Variants in CPA6 observed in about 807,000 individuals in gnomAD.
CPA6 encodes the protein carboxypeptidase B.
CPA6 carries 58 observed loss-of-function variants against 63.3 expected under a neutral mutation model. That is an observed-to-expected ratio of 0.92 (90% CI 0.74 to 1.14). The LOEUF is 1.14. Among genes scored for constraint, CPA6 ranks in the 50% most tolerant of loss-of-function variants. The pLI is 0.00. For synonymous variants in CPA6, 185 were observed against 179.0 expected (o/e 1.03, Z -0.27); for missense variants, 565 against 526.6 (o/e 1.07, Z -0.71).
intron 10 of CPA6, among the ~76,000 whole-genome samples, chr8:67,423,719 A>G (rs1809819599): frequency 1.3e-5 from 2 of 152,110 alleles, no homozygotes; most frequent in Admixed American, 1.3e-4. Flanking sequence ...TTCTGCCCCC[A>G]TGTTGCTGTA....
At chr8:67,450,573 T>C (rs1810534596) in intron 8 of CPA6, among the ~76,000 whole-genome samples, 1 of 152,190 alleles carries the variant, frequency 6.6e-6, no homozygotes, top group Admixed American at 6.5e-5. Context: ...TCCTTCAAGA[T>C]TGAGTAAGAA....
At chr8:67,484,299 C>G (rs1023127960) in intron 7 of CPA6, among the ~76,000 whole-genome samples, 1 of 152,086 alleles carries the variant, frequency 6.6e-6, no homozygotes, top group Non-Finnish European at 1.5e-5. Context: ...GTCTCGATCT[C>G]CTGACCTTGT....
chr8:67,521,402 C>T (rs1812254790), intron 2 of CPA6, among the ~76,000 whole-genome samples: 1 of 152,212 alleles, frequency 6.6e-6, no homozygotes, highest in Admixed American at 6.5e-5. Flanking sequence ...TTCTGAGCCT[C>T]AGTATCCTCA....
intron 8 of CPA6, among the ~76,000 whole-genome samples, chr8:67,474,515 C>G (rs1419430420): frequency 6.6e-6 from 1 of 152,128 alleles, no homozygotes; most frequent in South Asian, 2.1e-4. Flanking sequence ...GCCACAGCCG[C>G]CGGCCGCAGC....
At position 67,664,811 on chromosome 8, in the gene CPA6, C is replaced by T. The variant is rs1320085258; in HGVS notation, c.117-40560G>A. On this transcript the variant is annotated intron_variant, in intron 1 of 10. Coordinates refer to ENST00000297770, the MANE Select transcript of CPA6 (RefSeq NM_020361.5). ...AGGTCTGTCTCACCCAGGAATTAAG[C>T]TGTGATACTAGGAAAAACTATTACT... Among the ~76,000 whole-genome samples, 7 of 152,216 alleles carry T rather than the reference C, an allele frequency of 4.6e-5. No homozygotes were observed. The East Asian group carries it at 1.2e-3, about 25-fold the overall frequency.
chr8:67,607,128 T>TCCC (rs1385118446), intron 2 of CPA6, among the ~76,000 whole-genome samples: 1,398 of 79,060 alleles, frequency 0.018, 226 homozygotes, highest in African/African-American at 0.085. Context: ...CTCCTCCTCC[T>TCCC]CCTCCTCCCC....
chr8:67,520,493 G>A (rs1587517028), intron 2 of CPA6, among the ~76,000 whole-genome samples: 2 of 152,138 alleles, frequency 1.3e-5, no homozygotes, highest in African/African-American at 4.8e-5. Flanking sequence ...TGAATTATTA[G>A]TTTTTCTCCA....
intron 1 of CPA6, among the ~76,000 whole-genome samples, chr8:67,667,496 G>A (rs936532298): frequency 6.6e-6 from 1 of 151,586 alleles, no homozygotes; most frequent in African/African-American, 2.4e-5. Context: ...CAACTTCCCC[G>A]CTAAAAGTTA....
chr8:67,490,788 G>T (rs1316901800), intron 6 of CPA6, among the ~76,000 whole-genome samples: 1 of 152,092 alleles, frequency 6.6e-6, no homozygotes, highest in Non-Finnish European at 1.5e-5. Context: ...CCTTTGTGTG[G>T]CATGACAAAG....
At chr8:67,686,658 A>G (rs1816715199) in intron 1 of CPA6, among the ~76,000 whole-genome samples, 1 of 152,206 alleles carries the variant, frequency 6.6e-6, no homozygotes, top group Admixed American at 6.5e-5. Context: ...TTTTGTGTTT[A>G]CATGTTTAAT....
At chr8:67,507,346 T>C (rs1811951994) in intron 5 of CPA6, among the ~76,000 whole-genome samples, 1 of 152,122 alleles carries the variant, frequency 6.6e-6, no homozygotes, top group African/African-American at 2.4e-5. Context: ...TCCCAAGGAA[T>C]ATTTCTTAAA....
chr8:67,598,589 T>C (rs1425993362), intron 2 of CPA6, among the ~76,000 whole-genome samples: 1 of 152,170 alleles, frequency 6.6e-6, no homozygotes, highest in African/African-American at 2.4e-5. Flanking sequence ...AATAACATTG[T>C]ATTGAGCTTG....
At chr8:67,624,139 G>T in intron 2 of CPA6, 37 bp downstream of exon 2, 1 of 1,257,560 alleles carries the variant, frequency 8.0e-7, no homozygotes. Context: ...CACTCCACAA[G>T]CACAATTCTA....
chr8:67,557,241 T>C (rs1331912647), intron 2 of CPA6, among the ~76,000 whole-genome samples: 1 of 152,178 alleles, frequency 6.6e-6, no homozygotes, highest in African/African-American at 2.4e-5. Context: ...ACTCTGCATG[T>C]TCTCAATATA....
chr8:67,475,015 CA>C (rs1245119184), intron 8 of CPA6, among the ~76,000 whole-genome samples: 2 of 152,142 alleles, frequency 1.3e-5, no homozygotes, highest in African/African-American at 4.8e-5. Flanking sequence ...CAAAAAAACC[CA>C]AAAAACCAGT....
At chr8:67,432,421 G>A (rs146142457) in intron 9 of CPA6, among the ~76,000 whole-genome samples, 8 of 152,070 alleles carry the variant, frequency 5.3e-5, no homozygotes, top group Non-Finnish European at 1.2e-4. Context: ...ATACATTGCC[G>A]TATGCTTCTC....
chr8:67,544,149 T>C (rs1812764708), intron 2 of CPA6, among the ~76,000 whole-genome samples: 1 of 152,162 alleles, frequency 6.6e-6, no homozygotes, highest in African/African-American at 2.4e-5. Flanking sequence ...TGTATGAATA[T>C]CTAAAATAAC....
At chr8:67,712,835 T>C (rs1442338036) in intron 1 of CPA6, among the ~76,000 whole-genome samples, 1 of 151,578 alleles carries the variant, frequency 6.6e-6, no homozygotes, top group Admixed American at 6.6e-5. Context: ...ATGTGAATCA[T>C]CCCTTCGTCC....
chr8:67,488,159 T>C (rs1288956768), intron 6 of CPA6, among the ~76,000 whole-genome samples: 6 of 152,182 alleles, frequency 3.9e-5, no homozygotes, highest in African/African-American at 1.4e-4. Flanking sequence ...TTGCCTAGGT[T>C]TTCTTCTAGG....
Sources: gnomAD v4.1 joint callset for allele counts (sites outside exome capture counted in the v4.1 genomes callset) on GRCh38, gnomAD v4.1.1 for gene constraint, MANE v1.5 for transcripts, NCBI Gene and HGNC (gene_info 2026-07-23, HGNC 2026-07-21) for gene names.